The following THTPA variants were observed in gnomAD, a reference collection of about 807,000 sequenced individuals.
THTPA encodes the protein thiamine triphosphatase.
Under a neutral mutation model 16.5 loss-of-function variants are expected in THTPA, and 16 were observed. That is an observed-to-expected ratio of 0.97 (90% CI 0.66 to 1.47). The LOEUF (loss-of-function observed/expected upper bound fraction) is 1.47. THTPA is among the 40% of genes most tolerant of loss of function. The pLI, the probability that THTPA is intolerant of heterozygous loss-of-function variation, is 0.00. For missense variants in THTPA, 281 were observed against 280.9 expected, an observed-to-expected ratio of 1.00 and a Z score of 0.00; for synonymous variants, 110 against 115.5, an observed-to-expected ratio of 0.95 and a Z score of 0.30.
At chr14:23,553,524 G>C (rs994569926), upstream of THTPA, among the ~76,000 whole-genome samples, 1 of 145,424 alleles carries the variant, frequency 6.9e-6, no homozygotes, top group Admixed American at 6.8e-5. Context: ...GCTTGAACCC[G>C]GGGGGCAGAG....
the THTPA span, among the ~76,000 whole-genome samples, chr14:23,519,281 G>A: frequency 2.4e-3 from 363 of 152,224 alleles, 2 homozygotes; most frequent in African/African-American, 8.2e-3. Flanking sequence ...GGTGTTTGTC[G>A]ATGCTTTCTT....
At chr14:23,530,229 G>C in the THTPA span, 1 of 1,464,194 alleles carries the variant, frequency 6.8e-7, no homozygotes, top group African/African-American at 1.4e-5. Context: ...GCTTAAAGAG[G>C]TGTGGCATCA....
the THTPA span, chr14:23,522,898 G>A: frequency 4.7e-6 from 7 of 1,475,566 alleles, no homozygotes; most frequent in Admixed American, 2.4e-5. Flanking sequence ...TGGTAGGCAG[G>A]ACCGAAGTGG....
upstream of THTPA, among the ~76,000 whole-genome samples, chr14:23,554,899 A>G (rs1220057230): frequency 1.3e-5 from 2 of 152,198 alleles, no homozygotes; most frequent in East Asian, 3.8e-4. Flanking sequence ...CCAGATAACC[A>G]TAGTCCTCAG....
intron 1 of THTPA, among the ~76,000 whole-genome samples, chr14:23,557,851 T>A (rs1182886806): frequency 6.6e-6 from 1 of 152,246 alleles, no homozygotes. Flanking sequence ...ACCCAGGATC[T>A]TCAGATCATG....
chr14:23,523,779 C>T, the THTPA span: 2 of 1,536,264 alleles, frequency 1.3e-6, no homozygotes, highest in South Asian at 1.2e-5. This position sits in a 1 kb window ranked among gnomAD's most constrained non-coding sequence, Gnocchi z 4.1. Flanking sequence ...CCAGTCCCAC[C>T]TCCAGGTCCC....
the THTPA span, among the ~76,000 whole-genome samples, chr14:23,539,650 C>G: frequency 8.9e-4 from 136 of 152,298 alleles, 1 homozygote; most frequent in East Asian, 0.022. Context: ...GTCGTGGATT[C>G]AGGCTGGCCG....
At chr14:23,523,799 C>T in the THTPA span, 1 of 1,536,246 alleles carries the variant, frequency 6.5e-7, no homozygotes, top group Non-Finnish European at 8.7e-7. The surrounding 1 kb of genome is among the most constrained non-coding windows in gnomAD (Gnocchi z 4.1). Flanking sequence ...CCCACTGGTC[C>T]CTCCAGCCCC....
At position 23,559,986 on chromosome 14, in the gene THTPA, C is replaced by T. The variant is rs75443528; in HGVS notation, c.*1146C>T. ...AGAGCTGGGTGATAGGAAGGCCACCCCGAGCTGGAACTGTGTTCCCACTGG... is the reference window on the plus strand; with the variant it reads ...AGAGCTGGGTGATAGGAAGGCCACCTCGAGCTGGAACTGTGTTCCCACTGG... On this transcript the variant is annotated 3_prime_UTR_variant, in exon 2 of 2. Transcript: ENST00000288014. The T allele has an allele frequency of 2.2e-3, 3,552 of 1,613,190 alleles. 69 individuals are homozygous for T. The African/African-American group carries it at 0.042, about 19-fold the overall frequency.
At chr14:23,527,058 C>G in the THTPA span, 2 of 1,406,690 alleles carry the variant, frequency 1.4e-6, no homozygotes, top group South Asian at 3.3e-5. Flanking sequence ...TACACCTGTA[C>G]TTGTGCCGAG....
chr14:23,540,809 T>A, the THTPA span, among the ~76,000 whole-genome samples: 3 of 152,236 alleles, frequency 2.0e-5, no homozygotes, highest in Admixed American at 2.0e-4. Flanking sequence ...ATGAGGGTAG[T>A]TCTTTTCCTT....
At chr14:23,532,891 G>C in the THTPA span, 2 of 1,536,242 alleles carry the variant, frequency 1.3e-6, no homozygotes, top group Non-Finnish European at 1.7e-6. Flanking sequence ...CAGCTTCCGG[G>C]AGGCTCCGGC....
chr14:23,525,630 T>C, the THTPA span: 1 of 1,535,724 alleles, frequency 6.5e-7, no homozygotes, highest in Admixed American at 2.0e-5. The surrounding 1 kb of genome is among the most constrained non-coding windows in gnomAD (Gnocchi z 5.9). Context: ...TTGGCTGCAG[T>C]GCGGGCAGCC....
the THTPA span, among the ~76,000 whole-genome samples, chr14:23,550,699 G>A: frequency 1.3e-5 from 2 of 152,276 alleles, no homozygotes; most frequent in South Asian, 2.1e-4. Context: ...GGGCGTGCAG[G>A]ACAGACACGC....
the THTPA span, chr14:23,524,209 C>G: frequency 6.5e-7 from 1 of 1,536,518 alleles, no homozygotes; most frequent in Non-Finnish European, 8.7e-7. The surrounding 1 kb of genome is among the most constrained non-coding windows in gnomAD (Gnocchi z 5.6). Flanking sequence ...CTTTCCTCTC[C>G]CGGGCCCTGG....
the THTPA span, chr14:23,533,286 G>A: frequency 1.0e-4 from 149 of 1,436,354 alleles, no homozygotes; most frequent in East Asian, 5.2e-4. This position sits in a 1 kb window ranked among gnomAD's most constrained non-coding sequence, Gnocchi z 4.8. Flanking sequence ...GAAGCTTACC[G>A]GATGTGGGGA....
At chr14:23,539,063 C>T in the THTPA span, among the ~76,000 whole-genome samples, 2 of 152,176 alleles carry the variant, frequency 1.3e-5, no homozygotes, top group African/African-American at 2.4e-5. Context: ...ATGAATCTTG[C>T]AGCTCCAAAA....
At chr14:23,512,192 G>A in the THTPA span, among the ~76,000 whole-genome samples, 1 of 152,158 alleles carries the variant, frequency 6.6e-6, no homozygotes, top group African/African-American at 2.4e-5. Context: ...GAGCTGGGGT[G>A]CAGGGGGTTG....
At chr14:23,555,185 G>C (rs1011249848), upstream of THTPA, among the ~76,000 whole-genome samples, 2 of 148,390 alleles carry the variant, frequency 1.3e-5, no homozygotes, top group African/African-American at 2.6e-5. Context: ...ACGGCGGGCC[G>C]GGGGGGTTTC....
Sources: allele counts gnomAD v4.1 joint callset (sites outside exome capture counted in the v4.1 genomes callset), GRCh38; gene constraint gnomAD v4.1.1; non-coding constraint Gnocchi (gnomAD v3.1); transcripts MANE v1.5; gene names NCBI Gene and HGNC (gene_info 2026-07-23, HGNC 2026-07-21).